GPC6: variants seen among roughly 807,000 people sequenced by gnomAD.
GPC6 encodes glypican 6, also known as glypican-6.
In GPC6, 14 loss-of-function variants were observed where a neutral mutation model predicts 55.2. The observed-to-expected ratio is 0.25, with a 90% CI of 0.17 to 0.40. GPC6 has a LOEUF of 0.40. GPC6 is among the 10% of genes least tolerant of loss of function. The pLI is 1.00. For synonymous variants in GPC6, 278 were observed against 259.6 expected (o/e 1.07, Z -0.68); for missense variants, 641 against 708.5 (o/e 0.90, Z 1.08).
intron 2 of GPC6, among the ~76,000 whole-genome samples, chr13:93,661,838 C>G (rs1342927840): frequency 6.6e-6 from 1 of 152,094 alleles, no homozygotes; most frequent in Admixed American, 6.6e-5. Flanking sequence ...AGTATGTCTT[C>G]TAATGAAGAC....
chr13:93,233,289 T>G (rs769164985), intron 1 of GPC6, among the ~76,000 whole-genome samples: 25 of 152,068 alleles, frequency 1.6e-4, no homozygotes, highest in Non-Finnish European at 3.4e-4. Flanking sequence ...TATCTAAGAA[T>G]TTTTAATAAC....
At chr13:93,946,947 G>A (rs1485135074) in intron 3 of GPC6, among the ~76,000 whole-genome samples, 1 of 152,158 alleles carries the variant, frequency 6.6e-6, no homozygotes, top group Non-Finnish European at 1.5e-5. Context: ...GTCCTGTCTT[G>A]TGTTAGCACT....
intron 1 of GPC6, among the ~76,000 whole-genome samples, chr13:93,493,713 G>A (rs1473999212): frequency 7.6e-6 from 1 of 131,304 alleles, no homozygotes; most frequent in Non-Finnish European, 1.6e-5. Flanking sequence ...AGAGATTCTG[G>A]TATGTTGTGT....
chr13:93,328,033 AT>A (rs1029424796), intron 1 of GPC6, among the ~76,000 whole-genome samples: 10 of 152,008 alleles, frequency 6.6e-5, no homozygotes, highest in East Asian at 1.9e-4. Flanking sequence ...TATATTTTTT[AT>A]TTTTTTCCTT....
chr13:93,985,399 T>G (rs1185409362), intron 3 of GPC6, among the ~76,000 whole-genome samples: 2 of 151,620 alleles, frequency 1.3e-5, no homozygotes, highest in African/African-American at 4.9e-5. Flanking sequence ...ATCACACCAC[T>G]GCACTCCAGC....
intron 7 of GPC6, 141 bp downstream of exon 7, chr13:94,382,691 T>C (rs1336570840): frequency 1.8e-6 from 2 of 1,124,938 alleles, no homozygotes; most frequent in Non-Finnish European, 2.6e-6. Context: ...CAACAGCTGT[T>C]GAGAGTGACA....
intron 4 of GPC6, among the ~76,000 whole-genome samples, chr13:94,189,591 C>G (rs897308632): frequency 5.3e-5 from 8 of 152,162 alleles, no homozygotes; most frequent in African/African-American, 1.4e-4. Context: ...ATTGTTATGT[C>G]AATCCACACA....
At chr13:93,701,364 T>TA (rs910140609) in intron 2 of GPC6, among the ~76,000 whole-genome samples, 18 of 152,086 alleles carry the variant, frequency 1.2e-4, no homozygotes, top group Non-Finnish European at 2.2e-4. Context: ...CATTATGGAT[T>TA]AAAAAAAGTA....
chr13:94,286,516 T>C (rs762468232), intron 5 of GPC6, 37 bp downstream of exon 5: 9 of 1,590,102 alleles, frequency 5.7e-6, no homozygotes, highest in East Asian at 2.2e-5. Context: ...AATACATGTA[T>C]GTTATACAGG....
At chr13:94,262,365 A>G (rs1891679307) in intron 4 of GPC6, among the ~76,000 whole-genome samples, 1 of 152,138 alleles carries the variant, frequency 6.6e-6, no homozygotes, top group East Asian at 1.9e-4. Flanking sequence ...TTCTCATTGT[A>G]GTCAAGAGTG....
At chr13:94,257,062 CT>C (rs1891528651) in intron 4 of GPC6, among the ~76,000 whole-genome samples, 1 of 152,176 alleles carries the variant, frequency 6.6e-6, no homozygotes, top group Non-Finnish European at 1.5e-5. Flanking sequence ...ACAAGTGTTT[CT>C]TTTGACATAT....
At chr13:93,454,435 A>T (rs1878356674) in intron 1 of GPC6, among the ~76,000 whole-genome samples, 1 of 127,500 alleles carries the variant, frequency 7.8e-6, no homozygotes, top group Non-Finnish European at 1.8e-5. Flanking sequence ...AGCTAGAGAC[A>T]GAGTGCAGAT....
At chr13:93,506,894 CA>C (rs34398987) in intron 1 of GPC6, among the ~76,000 whole-genome samples, 89,395 of 122,890 alleles carry the variant, frequency 0.73, 33,426 homozygotes, top group Non-Finnish European at 0.82. Flanking sequence ...AAAGAAAATA[CA>C]AAAAAAAAAA....
chr13:93,513,626 TACTC>T (rs1370897821), intron 1 of GPC6, among the ~76,000 whole-genome samples: 1 of 152,224 alleles, frequency 6.6e-6, no homozygotes, highest in African/African-American at 2.4e-5. Context: ...TTTAGGCAAT[TACTC>T]AATAACTCCT....
chr13:93,306,395 C>T (rs956663012), intron 1 of GPC6, among the ~76,000 whole-genome samples: 6 of 151,990 alleles, frequency 3.9e-5, no homozygotes, highest in African/African-American at 1.4e-4. Flanking sequence ...ATAGAGCCAA[C>T]TTGTTTGATT....
At chr13:93,441,692 G>A (rs1877810617) in intron 1 of GPC6, among the ~76,000 whole-genome samples, 1 of 152,152 alleles carries the variant, frequency 6.6e-6, no homozygotes, top group African/African-American at 2.4e-5. Context: ...AAGCTCTTTA[G>A]TTTAATTAGA....
At chr13:93,348,557 C>T (rs576648204) in intron 1 of GPC6, among the ~76,000 whole-genome samples, 1 of 152,302 alleles carries the variant, frequency 6.6e-6, no homozygotes, top group African/African-American at 2.4e-5. Flanking sequence ...CTGCAATCCA[C>T]ATTAGTGTTG....
intron 2 of GPC6, among the ~76,000 whole-genome samples, chr13:93,687,208 A>G (rs1365296825): frequency 1.3e-5 from 2 of 152,096 alleles, no homozygotes; most frequent in Admixed American, 6.6e-5. Flanking sequence ...TTCTTAGTAT[A>G]TAATTGTTTT....
At chr13:93,899,000 A>G (rs1167088089) in intron 3 of GPC6, among the ~76,000 whole-genome samples, 1 of 149,114 alleles carries the variant, frequency 6.7e-6, no homozygotes, top group African/African-American at 2.5e-5. Flanking sequence ...TCCCAGATAT[A>G]TAGCTTTGCT....
Sources: allele counts gnomAD v4.1 joint callset (sites outside exome capture counted in the v4.1 genomes callset), GRCh38; gene constraint gnomAD v4.1.1; transcripts MANE v1.5; gene names NCBI Gene and HGNC (gene_info 2026-07-23, HGNC 2026-07-21).